The following ZDHHC13 variants were observed in gnomAD, a reference collection of about 807,000 sequenced individuals.
The protein encoded by ZDHHC13 is palmitoyltransferase ZDHHC13.
ZDHHC13 carries 85 observed loss-of-function variants against 86.0 expected under a neutral mutation model. The ratio of observed to expected loss-of-function variants is 0.99; its 90% CI spans 0.83 to 1.18. The LOEUF (loss-of-function observed/expected upper bound fraction) is 1.18. ZDHHC13 is among the 50% of genes most tolerant of loss of function. ZDHHC13 has a pLI of 0.00. For synonymous variants in ZDHHC13, 263 were observed against 246.4 expected (o/e 1.07, Z -0.63); for missense variants, 711 against 730.2 (o/e 0.97, Z 0.30).
chr11:19,146,933 C>A (rs1368649054), intron 3 of ZDHHC13, among the ~76,000 whole-genome samples: 5 of 152,104 alleles, frequency 3.3e-5, no homozygotes, highest in Non-Finnish European at 7.4e-5. Context: ...TACTCACAGG[C>A]AAACTCCTCT....
chr11:19,167,376 C>G (rs1850099808), intron 14 of ZDHHC13: 1 of 152,166 alleles, frequency 6.6e-6, no homozygotes, highest in Non-Finnish European at 1.5e-5. Context: ...TCCTCTCTTT[C>G]TCTCTTCTGT....
At chr11:19,128,576 T>C (rs2133368365) in intron 1 of ZDHHC13, among the ~76,000 whole-genome samples, 1 of 152,308 alleles carries the variant, frequency 6.6e-6, no homozygotes, top group African/African-American at 2.4e-5. Flanking sequence ...AAACTGTCTT[T>C]TAAAAATGAA....
At chr11:19,131,724 C>T (rs1347824713) in intron 1 of ZDHHC13, among the ~76,000 whole-genome samples, 1 of 152,050 alleles carries the variant, frequency 6.6e-6, no homozygotes, top group East Asian at 1.9e-4. Context: ...GCAACTGCCT[C>T]CCAGGTTCAA....
chr11:19,117,170 A>G lies in ZDHHC13; in HGVS notation c.-80A>G. ...GGGCGCCAGCAGGAAGTGGGAGAAG[A>G]GGCGACCCAAGGCGGGCTGGCGGGC... On this transcript the variant is annotated 5_prime_UTR_variant, in exon 1 of 17. Transcript: ENST00000446113. The surrounding 1 kb of genome is among the most constrained non-coding windows in gnomAD (Gnocchi z 4.2). 1 of 1,478,904 alleles carries G rather than the reference A, an allele frequency of 6.8e-7. No individual in the cohort carries two copies. Among genetic ancestry groups the G allele is most frequent in the South Asian group, 1.2e-5 (1 of 82,584 alleles). The allele number at this position is 1,478,904 out of a possible 1,614,324, so 91.6% of individuals were successfully genotyped here. A position where few individuals can be genotyped will look rare whatever the true frequency, so the allele number is the denominator to read the frequency against.
intron 10 of ZDHHC13, among the ~76,000 whole-genome samples, chr11:19,160,043 A>G (rs12801321): frequency 0.59 from 89,302 of 151,862 alleles, 28,183 homozygotes; most frequent in Admixed American, 0.7. Flanking sequence ...TTCCGAAAAG[A>G]AAGAACAGAA....
chr11:19,117,140 G>C, upstream of ZDHHC13: 3 of 1,230,638 alleles, frequency 2.4e-6, no homozygotes, highest in East Asian at 7.8e-5. The surrounding 1 kb of genome is among the most constrained non-coding windows in gnomAD (Gnocchi z 4.2). Flanking sequence ...CAGCGGCGGA[G>C]GTGAGGGCGC....
At chr11:19,150,613 C>T (rs1355211368) in intron 5 of ZDHHC13, 114 bp from the exon 6 acceptor site, 1 of 867,306 alleles carries the variant, frequency 1.2e-6, no homozygotes, top group Non-Finnish European at 1.8e-6. Flanking sequence ...TATTTGAGCC[C>T]TTTATGTAGA....
At chr11:19,153,234 G>A (rs1849661661) in intron 8 of ZDHHC13, among the ~76,000 whole-genome samples, 1 of 152,100 alleles carries the variant, frequency 6.6e-6, no homozygotes, top group Admixed American at 6.5e-5. Context: ...GCAATTCTGT[G>A]TGGTGTTCCT....
chr11:19,127,209 A>T (rs1463443057), intron 1 of ZDHHC13, among the ~76,000 whole-genome samples: 1 of 152,120 alleles, frequency 6.6e-6, no homozygotes, highest in Non-Finnish European at 1.5e-5. Context: ...ATGATCAGTG[A>T]TGTTGAGCTT....
chr11:19,119,277 A>C (rs911227542), intron 1 of ZDHHC13, among the ~76,000 whole-genome samples: 5 of 151,894 alleles, frequency 3.3e-5, no homozygotes, highest in African/African-American at 1.2e-4. Flanking sequence ...CACCCTGCTA[A>C]TTTTTTGTAT....
chr11:19,158,933 C>G lies in ZDHHC13; in HGVS notation c.1008-7C>G. On this transcript the variant is annotated splice_region_variant and splice_polypyrimidine_tract_variant and intron_variant, in intron 9 of 16. Transcript: ENST00000446113. Reference sequence around the variant, plus strand: ...CTAATAACTTATATTTATCTTTTTTCTTTTAGGTTCTTGGTTGGGTATAAG... The same window carrying G: ...CTAATAACTTATATTTATCTTTTTTGTTTTAGGTTCTTGGTTGGGTATAAG... The G allele has an allele frequency of 2.0e-6, 3 of 1,504,282 alleles. No homozygotes were observed. Among genetic ancestry groups the G allele is most frequent in the Non-Finnish European group, 2.7e-6 (3 of 1,126,148 alleles). 93.2% of individuals were successfully genotyped at this position (1,504,282 alleles called of 1,614,324 possible).
At chr11:19,131,093 A>G (rs1241711169) in intron 1 of ZDHHC13, among the ~76,000 whole-genome samples, 2 of 151,844 alleles carry the variant, frequency 1.3e-5, no homozygotes, top group Non-Finnish European at 2.9e-5. Context: ...ATCTCGGCTC[A>G]CTGCAAGCTC....
chr11:19,121,664 C>T (rs780625517), intron 1 of ZDHHC13, among the ~76,000 whole-genome samples: 1 of 152,182 alleles, frequency 6.6e-6, no homozygotes, highest in African/African-American at 2.4e-5. Context: ...ACATTGTAGG[C>T]AGCCATGTAG....
In ZDHHC13 at chr11:19,146,178, GAGA is replaced by G; in HGVS notation, c.174-2_174del. ...AATTATGCTTTTTTTTTTCTTCTTT[GAGA>G]TACGGAATTTTTGAACGATGTAAAG... On this transcript the variant is annotated splice_acceptor_variant and coding_sequence_variant, in exon 3 of 17. Transcript: ENST00000446113. LOFTEE classifies it high-confidence loss of function. 1 of 1,552,554 alleles carries G rather than the reference GAGA, an allele frequency of 6.4e-7. No individual in the cohort carries two copies.
At chr11:19,120,805 A>G (rs1442695910) in intron 1 of ZDHHC13, among the ~76,000 whole-genome samples, 1 of 152,108 alleles carries the variant, frequency 6.6e-6, no homozygotes, top group Non-Finnish European at 1.5e-5. Flanking sequence ...CAAAAAAACC[A>G]TTTTATTCTA....
intron 1 of ZDHHC13, among the ~76,000 whole-genome samples, chr11:19,137,150 G>C (rs1202102857): frequency 6.6e-6 from 1 of 152,140 alleles, no homozygotes; most frequent in Non-Finnish European, 1.5e-5. Context: ...AGACCCATCA[G>C]TGTGCTGTAT....
At chr11:19,120,178 T>C (rs1283055930) in intron 1 of ZDHHC13, among the ~76,000 whole-genome samples, 1 of 152,184 alleles carries the variant, frequency 6.6e-6, no homozygotes, top group Non-Finnish European at 1.5e-5. Context: ...CAAAACATAG[T>C]GGTATAAAAC....
At chr11:19,143,561 T>A (rs1270351342) in intron 2 of ZDHHC13, among the ~76,000 whole-genome samples, 1 of 152,260 alleles carries the variant, frequency 6.6e-6, no homozygotes, top group African/African-American at 2.4e-5. Context: ...TAGATATTTT[T>A]AAAAATCATT....
intron 12 of ZDHHC13, 65 bp downstream of exon 12, chr11:19,164,428 A>T: frequency 2.8e-6 from 4 of 1,446,970 alleles, no homozygotes; most frequent in Non-Finnish European, 3.8e-6. Context: ...TGCTGATGTA[A>T]GCATTTGTCA....
Sources: gnomAD v4.1 joint callset for allele counts (sites outside exome capture counted in the v4.1 genomes callset) on GRCh38, gnomAD v4.1.1 for gene constraint, Gnocchi (gnomAD v3.1) non-coding constraint, MANE v1.5 for transcripts, NCBI Gene and HGNC (gene_info 2026-07-23, HGNC 2026-07-21) for gene names.